The following LAMA1 variants were observed in gnomAD, a reference collection of about 807,000 sequenced individuals.
LAMA1 encodes laminin subunit alpha-1.
In LAMA1, 219 loss-of-function variants were observed where a neutral mutation model predicts 348.7. The observed-to-expected ratio is 0.63, with a 90% CI of 0.56 to 0.70. The LOEUF is 0.70. LAMA1 is among the 30% of genes least tolerant of loss of function. The pLI is 0.00. For synonymous variants in LAMA1, 1,487 were observed against 1,491.0 expected, an observed-to-expected ratio of 1.00 and a Z score of 0.06; for missense variants, 3,744 against 3,888.0, an observed-to-expected ratio of 0.96 and a Z score of 0.99.
chr18:7,108,008 C>T (rs774504354), intron 1 of LAMA1, among the ~76,000 whole-genome samples: 7 of 148,284 alleles, frequency 4.7e-5, no homozygotes, highest in Admixed American at 2.7e-4. Flanking sequence ...AGCGAGACTC[C>T]GTCTCAAATA....
intron 57 of LAMA1, among the ~76,000 whole-genome samples, chr18:6,951,718 G>A (rs1023512127): frequency 2.6e-5 from 4 of 152,210 alleles, no homozygotes; most frequent in African/African-American, 7.2e-5. Flanking sequence ...GGAGGGAGTC[G>A]GGTGGCTTAG....
At chr18:7,059,802 T>A (rs1379408417) in intron 3 of LAMA1, among the ~76,000 whole-genome samples, 1 of 152,200 alleles carries the variant, frequency 6.6e-6, no homozygotes, top group Non-Finnish European at 1.5e-5. Flanking sequence ...TTTTCTCTCT[T>A]GCATGAAGGA....
chr18:6,972,810 C>A (rs1242564978), intron 47 of LAMA1, among the ~76,000 whole-genome samples: 1 of 152,176 alleles, frequency 6.6e-6, no homozygotes, highest in Non-Finnish European at 1.5e-5. Flanking sequence ...CCTGCCTCAG[C>A]CCCCTGAGTA....
At chr18:6,948,046 G>C (rs2057530072) in intron 60 of LAMA1, among the ~76,000 whole-genome samples, 1 of 152,172 alleles carries the variant, frequency 6.6e-6, no homozygotes, top group Non-Finnish European at 1.5e-5. Flanking sequence ...CCTCCCTGGC[G>C]CCAGCTGGTC....
intron 29 of LAMA1, among the ~76,000 whole-genome samples, chr18:7,005,218 G>T (rs1332384146): frequency 1.3e-5 from 2 of 152,148 alleles, no homozygotes; most frequent in Non-Finnish European, 2.9e-5. Flanking sequence ...AGTTTCACAA[G>T]GTATCTGTTA....
At chr18:7,024,525 A>G (rs773489152) in intron 17 of LAMA1, 59 bp from the exon 18 acceptor site, 9 of 1,321,874 alleles carry the variant, frequency 6.8e-6, no homozygotes, top group Non-Finnish European at 8.7e-6. Context: ...ATTTCTAACT[A>G]TTTAAAATGC....
chr18:7,012,596 C>T (rs888339709), intron 23 of LAMA1, among the ~76,000 whole-genome samples: 1 of 150,568 alleles, frequency 6.6e-6, no homozygotes, highest in Non-Finnish European at 1.5e-5. Flanking sequence ...ACCTCCACCC[C>T]CCGGGTTCAA....
chr18:6,942,842 G>A (rs1440089471), intron 62 of LAMA1, among the ~76,000 whole-genome samples: 3 of 152,184 alleles, frequency 2.0e-5, no homozygotes, highest in Admixed American at 2.0e-4. Flanking sequence ...AAATTGACCA[G>A]AGAGATGAGT....
At chr18:6,971,790 T>C in intron 48 of LAMA1, 67 bp downstream of exon 48, 2 of 1,607,952 alleles carry the variant, frequency 1.2e-6, no homozygotes, top group Non-Finnish European at 1.7e-6. Flanking sequence ...TATTAATACA[T>C]TCTTTCAGCA....
At chr18:6,957,049 C>T in intron 55 of LAMA1, 1 of 408,528 alleles carries the variant, frequency 2.4e-6, no homozygotes, top group Non-Finnish European at 4.6e-6. Context: ...GATGCCATCG[C>T]CTCCTCCTGC....
chr18:7,003,633 C>T (rs1332927853), intron 29 of LAMA1, among the ~76,000 whole-genome samples: 3 of 152,108 alleles, frequency 2.0e-5, no homozygotes, highest in African/African-American at 7.2e-5. Flanking sequence ...TTGGCATTTG[C>T]TCAATTCATC....
chr18:7,003,692 A>T (rs1031418987), intron 29 of LAMA1, among the ~76,000 whole-genome samples: 2 of 152,172 alleles, frequency 1.3e-5, no homozygotes, highest in Non-Finnish European at 2.9e-5. Flanking sequence ...GATGCAGCTG[A>T]ATAGGTTTCC....
Position 7,034,574 on chromosome 18 carries a change from C to G in LAMA1, c.1956G>C (p.Arg652Ser), listed in dbSNP as rs2057985978. Residue 652 changes from arginine (R) to serine (S), a missense_variant, in exon 14 of 63, where the codon AGG (arginine) becomes AGC (serine). Arg to Ser is a moderately radical substitution (Grantham distance 110). Around this residue, in one of 3 missense-constraint regions of LAMA1, gnomAD observed 1,529 missense variants for 1,689.4 expected, o/e 0.91. Coordinates refer to ENST00000389658, the MANE Select transcript of LAMA1 (RefSeq NM_005559.4). ...PENFQDFHSK[R>S]QIDRDQLMTV... ...TCATCAGCTGGTCACGATCAATCTGCCTTTTGCTGTGAAAATCTTGGAAGT... is the reference window on the plus strand; with the variant it reads ...TCATCAGCTGGTCACGATCAATCTGGCTTTTGCTGTGAAAATCTTGGAAGT... The G allele has an allele frequency of 1.8e-5, 29 of 1,614,140 alleles. No homozygotes were observed. The highest frequency in any genetic ancestry group is 2.5e-5 in the Non-Finnish European group (29 of 1,180,022).
At chr18:6,988,963 C>T (rs577063767) in intron 36 of LAMA1, among the ~76,000 whole-genome samples, 28 of 152,196 alleles carry the variant, frequency 1.8e-4, no homozygotes, top group African/African-American at 6.7e-4. Flanking sequence ...GGCCTGCTGG[C>T]GAGGTGGGCT....
In LAMA1 at chr18:7,013,950, C is replaced by T. The variant is rs2057873306; in HGVS notation, c.3228G>A (p.Gln1076=). 6.2e-7 allele frequency: 1 copy of T among 1,613,876 alleles called. No individual in the cohort carries two copies. The highest frequency in any genetic ancestry group is 1.3e-5 in the African/African-American group (1 of 74,942). The change falls in exon 23 of 63, where the codon CAG becomes CAA. Residue 1076 remains glutamine (Q), a synonymous_variant. Transcript: ENST00000389658. ...KSKFGGRACD[Q]CSLGYRDFPD... is the part of the protein sequence containing the mutation. ...GAAAGTCTCTGTAACCCAAGGAACA[C>T]TGATCGCAGGCCCGGCCACCAAATT... is the stretch of plus-strand genomic sequence containing the variant.
At chr18:7,001,359 C>T (rs1333521691) in intron 30 of LAMA1, among the ~76,000 whole-genome samples, 3 of 152,134 alleles carry the variant, frequency 2.0e-5, no homozygotes, top group Non-Finnish European at 4.4e-5. Context: ...AAAAACACAT[C>T]CATCTTTACA....
rs1428767914 is a variant in LAMA1, at chr18:7,038,941, C to T, written c.1432G>A (p.Glu478Lys). Residue 478 changes from glutamate (E) to lysine (K), a missense_variant, in exon 11 of 63, where the codon GAG (glutamate) becomes AAG (lysine). Coordinates refer to ENST00000389658, the MANE Select transcript of LAMA1 (RefSeq NM_005559.4). ...TGPCVCKENV[E>K]GKACDRCKPG... Reference sequence around the variant, plus strand: ...TTGCAGCGATCACAGGCCTTCCCCTCAACGTTTTCCTGTAAGTTAGGGTAA... The same window carrying T: ...TTGCAGCGATCACAGGCCTTCCCCTTAACGTTTTCCTGTAAGTTAGGGTAA... 2 of 1,613,354 alleles carry T rather than the reference C, an allele frequency of 1.2e-6. No homozygotes were observed. Among genetic ancestry groups the T allele is most frequent in the Non-Finnish European group, 1.7e-6 (2 of 1,179,444 alleles).
At chr18:6,977,583 T>C in intron 44 of LAMA1, 144 bp downstream of exon 44, 1 of 840,072 alleles carries the variant, frequency 1.2e-6, no homozygotes, top group Non-Finnish European at 1.8e-6. Context: ...AAGACAGGGC[T>C]ATGAGGAAGC....
intron 3 of LAMA1, among the ~76,000 whole-genome samples, chr18:7,058,420 T>C (rs896486584): frequency 6.6e-6 from 1 of 152,182 alleles, no homozygotes; most frequent in African/African-American, 2.4e-5. Context: ...AGAACCTAAA[T>C]ACAATTTGTC....
Sources: allele counts gnomAD v4.1 joint callset (sites outside exome capture counted in the v4.1 genomes callset), GRCh38; gene constraint gnomAD v4.1.1; regional missense constraint gnomAD v4.1.1; transcripts MANE v1.5; gene names NCBI Gene and HGNC (gene_info 2026-07-23, HGNC 2026-07-21).